Variants in MIPEP observed in about 807,000 individuals in gnomAD.
The protein encoded by MIPEP is mitochondrial intermediate peptidase.
A neutral mutation model predicts 90.3 loss-of-function variants in MIPEP; 79 were observed. That is an observed-to-expected ratio of 0.87 (90% confidence interval 0.73 to 1.05). The LOEUF (loss-of-function observed/expected upper bound fraction) is 1.05. MIPEP is among the 50% of genes least tolerant of loss of function. The probability of loss-of-function intolerance (pLI) is 0.00; values close to 1 mark genes in which losing one functional copy is unlikely to be tolerated. For synonymous variants in MIPEP, 334 were observed against 315.8 expected, an observed-to-expected ratio of 1.06 and a Z score of -0.61; for missense variants, 940 against 905.6, an observed-to-expected ratio of 1.04 and a Z score of -0.49.
At chr13:23,800,672 A>G (rs1953025644) in intron 16 of MIPEP, among the ~76,000 whole-genome samples, 1 of 152,218 alleles carries the variant, frequency 6.6e-6, no homozygotes, top group Admixed American at 6.5e-5. Context: ...TGACTTGTAA[A>G]GAAAGCATCA....
chr13:23,846,523 A>G (rs1355135025), intron 10 of MIPEP, among the ~76,000 whole-genome samples: 2 of 152,188 alleles, frequency 1.3e-5, no homozygotes, highest in Non-Finnish European at 2.9e-5. Flanking sequence ...GCATATACAT[A>G]ATGAGATATC....
At chr13:23,742,454 GCACAATGTCAT>G (rs1377142506) in intron 18 of MIPEP, among the ~76,000 whole-genome samples, 1 of 152,146 alleles carries the variant, frequency 6.6e-6, no homozygotes, top group Non-Finnish European at 1.5e-5. Flanking sequence ...CATAAAACTG[GCACAATGTCAT>G]CTACTTTGCT....
At chr13:23,841,720 C>A (rs965377731) in intron 10 of MIPEP, among the ~76,000 whole-genome samples, 5 of 152,150 alleles carry the variant, frequency 3.3e-5, no homozygotes, top group African/African-American at 4.8e-5. Context: ...ATATCATTCC[C>A]TAACCTTTGT....
chr13:23,730,391 T>C lies in MIPEP; in HGVS notation c.2099A>G (p.Asp700Gly). 4 of 1,612,818 alleles carry C rather than the reference T, an allele frequency of 2.5e-6. No individual in the cohort carries two copies. The highest frequency in any genetic ancestry group is 3.4e-6 in the Non-Finnish European group (4 of 1,179,130). ...GAAAGTTTCGAAGTCCAGATCCAAG[T>C]CGGAAACGAGGGCACTTACGAAGTC... ...VDDFVSALVS[D>G]LDLDFETFLM... The change falls in exon 19 of 19, where the codon GAC (aspartate) becomes GGC (glycine). Residue 700 changes from aspartate to glycine, a missense_variant. Asp to Gly is a moderately conservative substitution (Grantham distance 94). Coordinates refer to ENST00000382172, the MANE Select transcript of MIPEP (RefSeq NM_005932.4).
At chr13:23,773,378 C>T (rs1327117131) in intron 16 of MIPEP, among the ~76,000 whole-genome samples, 8 of 152,128 alleles carry the variant, frequency 5.3e-5, no homozygotes, top group Non-Finnish European at 1.2e-4. Context: ...TGAGTGGTTT[C>T]CACTTTTTGA....
intron 14 of MIPEP, among the ~76,000 whole-genome samples, chr13:23,833,046 C>T (rs907107936): frequency 6.6e-6 from 1 of 152,150 alleles, no homozygotes; most frequent in Non-Finnish European, 1.5e-5. Context: ...TATCCTCTAC[C>T]TGAGACCTCT....
In MIPEP at chr13:23,750,408, G is replaced by A. The variant is rs78518128; in HGVS notation, c.2044+6137C>T. Among the ~76,000 whole-genome samples, 3,437 of 152,294 alleles carry A rather than the reference G, an allele frequency of 0.023. 343 individuals carry two copies. In the East Asian group the frequency reaches 0.31, roughly 14 times the overall value. ...CAGCTTCTCAGACTTCGTTTTCAAT[G>A]ACCTTGACAGTTTTGAGGAGTACTG... On this transcript the variant is annotated intron_variant, in intron 18 of 18. Transcript: ENST00000382172.
chr13:23,788,646 T>C (rs569076092), intron 16 of MIPEP, among the ~76,000 whole-genome samples: 258 of 152,346 alleles, frequency 1.7e-3, no homozygotes, highest in Admixed American at 3.3e-3. Context: ...GCTGGATTAC[T>C]AGTGAGCAGG....
intron 14 of MIPEP, among the ~76,000 whole-genome samples, chr13:23,834,908 C>G (rs1014393885): frequency 6.6e-6 from 1 of 151,868 alleles, no homozygotes; most frequent in African/African-American, 2.4e-5. Flanking sequence ...CAGAACAATT[C>G]TTTGTAGATT....
At chr13:23,773,785 C>A (rs1454424458) in intron 16 of MIPEP, among the ~76,000 whole-genome samples, 2 of 152,204 alleles carry the variant, frequency 1.3e-5, no homozygotes, top group Admixed American at 1.3e-4. Flanking sequence ...AAACCCTTTG[C>A]TCACTTTAAA....
In MIPEP at chr13:23,730,435, C is replaced by A; in HGVS notation, c.2055G>T (p.Gln685His). ...EPMLMVEGML[Q>H]KCPSVDDFVS... ...CGAAGTCATCAACAGAAGGACACTT[C>A]TGAAGCATACCTGCAAACAAAGGAA... Residue 685 changes from glutamine (Q) to histidine (H), a missense_variant, in exon 19 of 19, where the codon CAG becomes CAT. By Grantham distance (24) the Gln-to-His change is conservative. Coordinates refer to ENST00000382172, the MANE Select transcript of MIPEP (RefSeq NM_005932.4). 6.2e-7 allele frequency: 1 copy of A among 1,610,442 alleles called. No homozygotes were observed. Among genetic ancestry groups the A allele is most frequent in the South Asian group, 1.1e-5 (1 of 90,682 alleles).
chr13:23,858,732 G>A (rs530124561), intron 10 of MIPEP, 128 bp downstream of exon 10: 6 of 752,824 alleles, frequency 8.0e-6, no homozygotes, highest in East Asian at 2.7e-5. Context: ...AGCAGACCAC[G>A]CCAGCAGAAA....
At chr13:23,831,389 G>GAGGGGGGGGGGTGGGGGGT in intron 14 of MIPEP, among the ~76,000 whole-genome samples, 1 of 144,668 alleles carries the variant, frequency 6.9e-6, no homozygotes, top group South Asian at 2.4e-4. Context: ...ATGGCGGGGG[G>GAGGGGGGGGGGTGGGGGGT]GGGATGTGGA....
chr13:23,794,323 ATTAC>A (rs1276500450), intron 16 of MIPEP, among the ~76,000 whole-genome samples: 4 of 152,160 alleles, frequency 2.6e-5, no homozygotes, highest in Admixed American at 6.5e-5. Context: ...ATGCATATGT[ATTAC>A]TTACTCAACA....
intron 16 of MIPEP, among the ~76,000 whole-genome samples, chr13:23,797,895 G>A (rs1952980616): frequency 6.6e-6 from 1 of 152,150 alleles, no homozygotes; most frequent in African/African-American, 2.4e-5. Flanking sequence ...ATAGGCTTGA[G>A]AACTATTTTG....
intron 14 of MIPEP, among the ~76,000 whole-genome samples, chr13:23,832,247 G>A (rs529891398): frequency 6.0e-4 from 91 of 152,216 alleles, no homozygotes; most frequent in African/African-American, 2.0e-3. Flanking sequence ...TCAGTCCCTC[G>A]CCATGTGAGG....
intron 7 of MIPEP, among the ~76,000 whole-genome samples, chr13:23,865,863 G>A (rs1391266133): frequency 6.6e-6 from 1 of 151,900 alleles, no homozygotes; most frequent in Admixed American, 6.6e-5. Context: ...TAGAGATGGG[G>A]TTTCACCATG....
intron 16 of MIPEP, among the ~76,000 whole-genome samples, chr13:23,797,816 C>T (rs566676614): frequency 2.0e-4 from 31 of 152,322 alleles, no homozygotes; most frequent in African/African-American, 4.6e-4. Flanking sequence ...TAGTTGTATA[C>T]GCATCAGAAT....
chr13:23,784,869 C>G (rs1208694530), intron 16 of MIPEP, among the ~76,000 whole-genome samples: 4 of 152,150 alleles, frequency 2.6e-5, no homozygotes, highest in Non-Finnish European at 5.9e-5. Context: ...ATTTATGCAG[C>G]CAACAGACAC....
Sources: gnomAD v4.1 joint callset for allele counts (sites outside exome capture counted in the v4.1 genomes callset) on GRCh38, gnomAD v4.1.1 for gene constraint, MANE v1.5 for transcripts, NCBI Gene and HGNC (gene_info 2026-07-23, HGNC 2026-07-21) for gene names.